Variants in PGM5 observed in about 807,000 individuals in gnomAD.
PGM5 encodes the protein phosphoglucomutase-like protein 5.
PGM5 carries 23 observed loss-of-function variants against 59.2 expected under a neutral mutation model. The ratio of observed to expected loss-of-function variants is 0.39; its 90% CI spans 0.28 to 0.55. The LOEUF is 0.55. Ranked by LOEUF, PGM5 falls within the 20% of genes least tolerant of loss-of-function variation. The pLI is 0.66. For missense variants in PGM5, 574 were observed against 748.3 expected (o/e 0.77, Z 2.72); for synonymous variants, 214 against 286.0 (o/e 0.75, Z 2.54).
intron 3 of PGM5, among the ~76,000 whole-genome samples, chr9:68,387,188 T>C (rs1320928786): frequency 6.6e-6 from 1 of 151,998 alleles, no homozygotes. Flanking sequence ...TTATCTTAAT[T>C]TATTCTTGTG....
rs539525914 is a variant in PGM5 at position 68,442,906 on chromosome 9, G to A, written c.1044-22187G>A. Reference sequence around the variant, plus strand: ...AATAAAAATTACTGCTAATACCTTAGTGTTGATGAGGATGCATATCATCTA... The same window carrying A: ...AATAAAAATTACTGCTAATACCTTAATGTTGATGAGGATGCATATCATCTA... On this transcript the variant is annotated intron_variant, in intron 6 of 10. Coordinates refer to ENST00000396396, the MANE Select transcript of PGM5 (RefSeq NM_021965.4). Among the ~76,000 whole-genome samples the A allele has an allele frequency of 1.8e-4, 27 of 152,288 alleles. No individual in the cohort carries two copies. The South Asian group carries it at 5.4e-3, about 30-fold the overall frequency.
intron 2 of PGM5, among the ~76,000 whole-genome samples, chr9:68,383,740 T>TA (rs61055122): frequency 8.5e-5 from 9 of 106,300 alleles, no homozygotes; most frequent in African/African-American, 3.2e-4. Flanking sequence ...ATATACAAGG[T>TA]AAAAAAAAAA....
At chr9:68,448,085 G>C (rs1385680635) in intron 6 of PGM5, among the ~76,000 whole-genome samples, 1 of 152,184 alleles carries the variant, frequency 6.6e-6, no homozygotes, top group Non-Finnish European at 1.5e-5. Flanking sequence ...GCTTTGAGGG[G>C]AGGAGGGGCT....
At chr9:68,366,502 CA>C (rs1220383458) in intron 1 of PGM5, among the ~76,000 whole-genome samples, 2 of 152,108 alleles carry the variant, frequency 1.3e-5, no homozygotes, top group African/African-American at 4.8e-5. Context: ...ATTGAAAGGA[CA>C]TACTCTAGTC....
chr9:68,527,019 T>C (rs573387236), intron 10 of PGM5, among the ~76,000 whole-genome samples: 3 of 152,322 alleles, frequency 2.0e-5, no homozygotes, highest in Admixed American at 2.0e-4. Context: ...AAGTGATCTT[T>C]TGGTCACGGA....
chr9:68,511,066 C>T (rs968380390), intron 10 of PGM5, among the ~76,000 whole-genome samples: 4 of 152,142 alleles, frequency 2.6e-5, no homozygotes, highest in Admixed American at 2.6e-4. Context: ...CTTATTAGAC[C>T]TCAAAAGGTG....
At chr9:68,424,263 A>G (rs1823196865) in intron 6 of PGM5, among the ~76,000 whole-genome samples, 2 of 152,322 alleles carry the variant, frequency 1.3e-5, no homozygotes, top group Middle Eastern at 3.4e-3. Context: ...ACAAAATAAC[A>G]CAGACAGTGT....
intron 4 of PGM5, among the ~76,000 whole-genome samples, chr9:68,390,583 T>G (rs1327843323): frequency 1.3e-5 from 2 of 152,104 alleles, no homozygotes; most frequent in Non-Finnish European, 2.9e-5. Context: ...ATTGGAGGAT[T>G]GTGTGTTGTA....
intron 9 of PGM5, 116 bp downstream of exon 9, chr9:68,484,164 A>T: frequency 1.2e-6 from 1 of 853,546 alleles, no homozygotes. Context: ...ATAGATGAGA[A>T]CTGTGCAGCC....
chr9:68,421,656 G>A (rs1029114900), intron 6 of PGM5, among the ~76,000 whole-genome samples: 1 of 152,254 alleles, frequency 6.6e-6, no homozygotes, highest in Admixed American at 6.5e-5. Context: ...GGCGGAGGTT[G>A]CAGTGAGCGG....
chr9:68,526,011 G>T (rs528769015), intron 10 of PGM5, among the ~76,000 whole-genome samples: 21 of 151,590 alleles, frequency 1.4e-4, no homozygotes, highest in Non-Finnish European at 2.9e-5. Flanking sequence ...AGCCAAGATC[G>T]CGCCACTGCA....
intron 2 of PGM5, among the ~76,000 whole-genome samples, chr9:68,383,712 G>A (rs1587782263): frequency 1.1e-5 from 1 of 93,892 alleles, no homozygotes; most frequent in Non-Finnish European, 2.2e-5. Flanking sequence ...AAAAAAATCT[G>A]AAATGGCTTG....
chr9:68,487,447 C>CTCTCTCTGTG (rs10648860), intron 9 of PGM5, among the ~76,000 whole-genome samples: 6 of 146,628 alleles, frequency 4.1e-5, no homozygotes, highest in African/African-American at 7.7e-5. Context: ...CTCTCTCTCT[C>CTCTCTCTGTG]TGTGTCACAC....
Position 68,433,746 on chromosome 9 carries a change from T to C in PGM5, c.1044-31347T>C, listed in dbSNP as rs114797307. ...GATAACAGCACTCATGTGATAGTGATCTTTCACTTTAAGGCCATGTTTTGT... is the reference window on the plus strand; with the variant it reads ...GATAACAGCACTCATGTGATAGTGACCTTTCACTTTAAGGCCATGTTTTGT... On this transcript the variant is annotated intron_variant, in intron 6 of 10. Transcript: ENST00000396396. Among the ~76,000 whole-genome samples the C allele has an allele frequency of 2.1e-3, 327 of 152,328 alleles. 3 individuals carry two copies. Among genetic ancestry groups the C allele is most frequent in the African/African-American group, 7.5e-3 (313 of 41,572 alleles).
intron 6 of PGM5, among the ~76,000 whole-genome samples, chr9:68,436,188 A>G (rs1465916397): frequency 6.6e-6 from 1 of 152,244 alleles, no homozygotes; most frequent in Non-Finnish European, 1.5e-5. Context: ...GTGGGCAACC[A>G]GCACAAATGT....
chr9:68,446,451 T>C (rs1823613418), intron 6 of PGM5, among the ~76,000 whole-genome samples: 1 of 152,244 alleles, frequency 6.6e-6, no homozygotes, highest in Non-Finnish European at 1.5e-5. Flanking sequence ...CAAGGCCCAT[T>C]AGGGAGAAGA....
rs1358089194 is a variant in PGM5, at chr9:68,531,035, A to G, written c.*1379A>G. The G allele has an allele frequency of 2.0e-5, 3 of 152,224 alleles. No individual in the cohort carries two copies. The East Asian group carries it at 5.8e-4, about 29-fold the overall frequency. The allele number at this position is 152,224 out of a possible 1,614,324, so 9.4% of individuals were successfully genotyped here. A position where few individuals can be genotyped will look rare whatever the true frequency, so the allele number is the denominator to read the frequency against. On this transcript the variant is annotated 3_prime_UTR_variant, in exon 11 of 11. Coordinates refer to ENST00000396396, the MANE Select transcript of PGM5 (RefSeq NM_021965.4). ...TTGCTAGGACATTTAGTGGCCAATA[A>G]AAAAGAAATTCCTAATTTCAACCTT...
At chr9:68,469,373 A>T (rs1823987207) in intron 7 of PGM5, among the ~76,000 whole-genome samples, 1 of 152,266 alleles carries the variant, frequency 6.6e-6, no homozygotes. Flanking sequence ...AAAAAAAATG[A>T]GCACTTAGTA....
intron 6 of PGM5, among the ~76,000 whole-genome samples, chr9:68,449,741 G>A (rs1823666193): frequency 6.6e-6 from 1 of 152,188 alleles, no homozygotes; most frequent in Admixed American, 6.5e-5. Context: ...GTCTACCCAA[G>A]GAGCCAGAGC....
Sources: gnomAD v4.1 joint callset for allele counts (sites outside exome capture counted in the v4.1 genomes callset) on GRCh38, gnomAD v4.1.1 for gene constraint, MANE v1.5 for transcripts, NCBI Gene and HGNC (gene_info 2026-07-23, HGNC 2026-07-21) for gene names.